The following SCEL variants were observed in gnomAD, a reference collection of about 807,000 sequenced individuals.
SCEL encodes the protein sciellin.
A neutral mutation model predicts 117.6 loss-of-function variants in SCEL; 113 were observed. That is an observed-to-expected ratio of 0.96 (90% CI 0.83 to 1.12). The LOEUF is 1.12. Ranked by LOEUF, SCEL falls within the 50% of genes most tolerant of loss-of-function variation. The pLI is 0.00. For missense variants in SCEL, 785 were observed against 810.8 expected (o/e 0.97, Z 0.39); for synonymous variants, 270 against 256.2 (o/e 1.05, Z -0.51).
intron 1 of SCEL, among the ~76,000 whole-genome samples, chr13:77,549,312 G>A (rs1009845924): frequency 6.6e-6 from 1 of 152,028 alleles, no homozygotes; most frequent in African/African-American, 2.4e-5. Flanking sequence ...GATGATTAGT[G>A]GTGTTGAGCA....
Position 77,535,710 on chromosome 13 carries a change from A to G in SCEL, c.-134A>G, listed in dbSNP as rs185198994. The stretch of plus-strand genomic sequence containing the variant: ...GAACTGTTCACTAATACAGTCAGGT[A>G]GAGGTTGAGACTCCACTGAATAAAC... On this transcript the variant is annotated 5_prime_UTR_variant, in exon 1 of 33. Coordinates refer to ENST00000349847, the MANE Select transcript of SCEL (RefSeq NM_144777.3). 4 of 152,268 alleles carry G rather than the reference A, an allele frequency of 2.6e-5. No homozygotes were observed. In the East Asian group the frequency reaches 7.7e-4, roughly 29 times the overall value. 9.4% of individuals were successfully genotyped at this position (152,268 alleles called of 1,614,324 possible). A position where few individuals can be genotyped will look rare whatever the true frequency, so the allele number is the denominator to read the frequency against.
chr13:77,556,570 C>G, intron 2 of SCEL, 26 bp from the exon 3 acceptor site: 8 of 1,582,484 alleles, frequency 5.1e-6, no homozygotes, highest in Non-Finnish European at 6.9e-6. Context: ...ATTACATCTT[C>G]CAGTCTTTCA....
At chr13:77,566,132 A>C (rs1409526914) in intron 5 of SCEL, among the ~76,000 whole-genome samples, 1 of 152,214 alleles carries the variant, frequency 6.6e-6, no homozygotes, top group Non-Finnish European at 1.5e-5. Flanking sequence ...AGAGACTATG[A>C]GAGGTGACTA....
chr13:77,623,941 A>G (rs9544558), intron 27 of SCEL, among the ~76,000 whole-genome samples: 25,068 of 152,008 alleles, frequency 0.16, 2,400 homozygotes, highest in East Asian at 0.45. Context: ...TGGGTGGCTT[A>G]AAGACAAATA....
chr13:77,607,697 T>C (rs530748276), intron 19 of SCEL, among the ~76,000 whole-genome samples: 1 of 152,336 alleles, frequency 6.6e-6, no homozygotes, highest in Non-Finnish European at 1.5e-5. Flanking sequence ...TCTGGAATGC[T>C]TCATGAAACA....
chr13:77,637,129 C>A lies in SCEL; in HGVS notation c.1773C>A (p.Pro591=). The A allele has an allele frequency of 6.5e-7, 1 of 1,542,182 alleles. No individual in the cohort carries two copies. Among genetic ancestry groups the A allele is most frequent in the Non-Finnish European group, 8.8e-7 (1 of 1,137,756 alleles). The change falls in exon 30 of 33, where the codon CCC becomes CCA. Residue 591 remains proline (P), a synonymous_variant. Coordinates refer to ENST00000349847, the MANE Select transcript of SCEL (RefSeq NM_144777.3). Reference sequence around the variant, plus strand: ...TATATTTTGTTCCTAGTAAATCACCCAAGGATGGATATCAGGAGAATATCT... The same window carrying A: ...TATATTTTGTTCCTAGTAAATCACCAAAGGATGGATATCAGGAGAATATCT... ...TRTYVENSKS[P]KDGYQENISG... is the part of the protein sequence containing the mutation.
chr13:77,641,779 A>G (rs944941864), intron 31 of SCEL, among the ~76,000 whole-genome samples: 5 of 152,194 alleles, frequency 3.3e-5, no homozygotes, highest in Admixed American at 6.6e-5. Flanking sequence ...TACTTTGTCA[A>G]TTGATTGCTT....
intron 12 of SCEL, 21 bp from the exon 13 acceptor site, chr13:77,597,524 C>A (rs757719751): frequency 2.8e-6 from 4 of 1,441,348 alleles, no homozygotes; most frequent in East Asian, 4.8e-5. Context: ...TAATGTTAAA[C>A]ATTTTTTTCT....
intron 19 of SCEL, 28 bp downstream of exon 19, chr13:77,604,443 C>T: frequency 6.5e-7 from 1 of 1,533,690 alleles, no homozygotes; most frequent in Non-Finnish European, 8.8e-7. Context: ...CCCCCCTCCC[C>T]TTTGTTTGGC....
At chr13:77,539,173 G>T (rs1487302569) in intron 1 of SCEL, among the ~76,000 whole-genome samples, 1 of 152,060 alleles carries the variant, frequency 6.6e-6, no homozygotes, top group Non-Finnish European at 1.5e-5. Flanking sequence ...TGACATGTAT[G>T]AGTATGCCTA....
At chr13:77,628,162 A>G (rs1371343455) in intron 28 of SCEL, among the ~76,000 whole-genome samples, 153 bp downstream of exon 28, 1 of 89,976 alleles carries the variant, frequency 1.1e-5, no homozygotes, top group African/African-American at 3.6e-5. Flanking sequence ...GTGTATATAT[A>G]TGTGTGTGTA....
Position 77,572,145 on chromosome 13 carries a change from C to G in SCEL, c.501C>G (p.Pro167=), listed in dbSNP as rs766688974. Reference sequence around the variant, plus strand: ...ACAGGCAGTCCTGGTTTCCACCGCCCCCTCCAGGTTACAATGCCTCCTCGA... The same window carrying G: ...ACAGGCAGTCCTGGTTTCCACCGCCGCCTCCAGGTTACAATGCCTCCTCGA... The part of the protein sequence containing the change: ...KKKRQSWFPP[P]PPGYNASSST... The change falls in exon 9 of 33, where the codon CCC becomes CCG. Residue 167 remains proline (P), a synonymous_variant. Transcript: ENST00000349847. 5.6e-6 allele frequency: 9 copies of G among 1,612,736 alleles called. No individual in the cohort carries two copies. The highest frequency in any genetic ancestry group is 7.6e-6 in the Non-Finnish European group (9 of 1,179,232).
rs765373504 is a variant in SCEL at position 77,591,409 on chromosome 13, C to A, written c.641C>A (p.Pro214His). The A allele has an allele frequency of 8.2e-6, 13 of 1,585,272 alleles. No homozygotes were observed. The highest frequency in any genetic ancestry group is 1.1e-5 in the South Asian group (1 of 89,964). Residue 214 changes from proline (P) to histidine (H), a missense_variant, in exon 11 of 33, where the codon CCT becomes CAT. By Grantham distance (77) the Pro-to-His change is moderately conservative (BLOSUM62 -2). Coordinates refer to ENST00000349847, the MANE Select transcript of SCEL (RefSeq NM_144777.3). ...LRQDNRQIHP[P>H]KPGVYTETNR... Reference sequence around the variant, plus strand: ...TGAAAATATAGGCAGATACATCCACCTAAACCAGGTGTATATACAGAAACC... The same window carrying A: ...TGAAAATATAGGCAGATACATCCACATAAACCAGGTGTATATACAGAAACC...
intron 29 of SCEL, among the ~76,000 whole-genome samples, chr13:77,635,910 T>G (rs750899459): frequency 6.6e-6 from 1 of 152,212 alleles, no homozygotes; most frequent in African/African-American, 2.4e-5. Flanking sequence ...TCAGAAACTC[T>G]GCAGCTCAGG....
intron 18 of SCEL, 86 bp downstream of exon 18, chr13:77,603,221 G>T: frequency 2.7e-6 from 2 of 740,572 alleles, no homozygotes; most frequent in Non-Finnish European, 2.2e-6. Flanking sequence ...CTTCATAATC[G>T]TGTTTTATTA....
chr13:77,561,084 G>T (rs979333075), intron 4 of SCEL, among the ~76,000 whole-genome samples: 12 of 152,088 alleles, frequency 7.9e-5, no homozygotes, highest in African/African-American at 2.7e-4. Context: ...CTCTGCCGAG[G>T]CCCTGTCCTT....
At chr13:77,602,546 TG>T in intron 16 of SCEL, 107 bp from the exon 17 acceptor site, 1 of 857,614 alleles carries the variant, frequency 1.2e-6, no homozygotes, top group Non-Finnish European at 1.9e-6. Context: ...TTTGGTCATT[TG>T]GTCCTGAAAA....
chr13:77,569,346 A>C (rs777791298), intron 7 of SCEL, 25 bp from the exon 8 acceptor site: 3 of 1,587,710 alleles, frequency 1.9e-6, no homozygotes, highest in South Asian at 2.2e-5. Flanking sequence ...GAGTGGGATT[A>C]ATTGTTGTTC....
chr13:77,631,023 T>G (rs1252250688), intron 28 of SCEL, among the ~76,000 whole-genome samples: 1 of 152,180 alleles, frequency 6.6e-6, no homozygotes, highest in African/African-American at 2.4e-5. Context: ...GGGACTATAC[T>G]TTGAGAATCA....
Sources: allele counts gnomAD v4.1 joint callset (sites outside exome capture counted in the v4.1 genomes callset), GRCh38; gene constraint gnomAD v4.1.1; transcripts MANE v1.5; gene names NCBI Gene and HGNC (gene_info 2026-07-23, HGNC 2026-07-21).